TMPRSS11D: variants seen among roughly 807,000 people sequenced by gnomAD.
The protein encoded by TMPRSS11D is transmembrane serine protease 11D, also known as transmembrane protease serine 11D.
TMPRSS11D carries 32 observed loss-of-function variants against 44.4 expected under a neutral mutation model. That is an observed-to-expected ratio of 0.72 (90% CI 0.54 to 0.97). The LOEUF is 0.97. Ranked by LOEUF, TMPRSS11D falls within the 50% of genes least tolerant of loss-of-function variation. The pLI, the probability that TMPRSS11D is intolerant of heterozygous loss-of-function variation, is 0.00. For synonymous variants in TMPRSS11D, 179 were observed against 177.9 expected (o/e 1.01, Z -0.05); for missense variants, 446 against 502.6 (o/e 0.89, Z 1.08).
intron 5 of TMPRSS11D, 141 bp downstream of exon 5, chr4:67,838,031 T>C: frequency 1.7e-6 from 1 of 589,810 alleles, no homozygotes; most frequent in Middle Eastern, 4.7e-4. Flanking sequence ...AGCTATATGG[T>C]ATATTTAGCT....
chr4:67,857,312 TATATATATATAC>T (rs1718673598), intron 2 of TMPRSS11D, among the ~76,000 whole-genome samples: 2 of 1,238 alleles, frequency 1.6e-3, no homozygotes, highest in African/African-American at 2.9e-3. Context: ...TATATATATA[TATATATATATAC>T]ACACACACAC....
At chr4:67,838,351 T>TA in intron 4 of TMPRSS11D, 22 bp from the exon 5 acceptor site, 2 of 1,519,330 alleles carry the variant, frequency 1.3e-6, no homozygotes, top group Non-Finnish European at 1.8e-6. Context: ...AAAGATATTT[T>TA]AAAAAACAAA....
chr4:67,870,279 G>A (rs1335531246), intron 1 of TMPRSS11D, among the ~76,000 whole-genome samples: 1 of 152,056 alleles, frequency 6.6e-6, no homozygotes, highest in Non-Finnish European at 1.5e-5. Flanking sequence ...TCCATATCTC[G>A]TTAAGTCTCT....
intron 7 of TMPRSS11D, among the ~76,000 whole-genome samples, chr4:67,832,677 A>G (rs1717975102): frequency 6.6e-6 from 1 of 150,520 alleles, no homozygotes; most frequent in Non-Finnish European, 1.5e-5. Context: ...TCTACAATAT[A>G]TAACACTGTG....
chr4:67,854,302 A>G, intron 2 of TMPRSS11D, 116 bp from the exon 3 acceptor site: 2 of 549,622 alleles, frequency 3.6e-6, no homozygotes, highest in Non-Finnish European at 6.3e-6. Flanking sequence ...CTTTCCTTGA[A>G]AGAAAAAGTT....
At position 67,833,199 on chromosome 4, in the gene TMPRSS11D, C is replaced by A; in HGVS notation, c.692+5G>T. On this transcript the variant is annotated splice_donor_5th_base_variant and intron_variant, in intron 7 of 9. Transcript: ENST00000283916. The stretch of plus-strand genomic sequence containing the variant: ...TCCCAGATGGGTAGGTAGTGGTGGC[C>A]TCACCTTCTGAAGCAGTGAGCTGCT... The A allele has an allele frequency of 6.8e-7, 1 of 1,460,914 alleles. No homozygotes were observed. Among genetic ancestry groups the A allele is most frequent in the Non-Finnish European group, 9.1e-7 (1 of 1,100,476 alleles). 90.5% of individuals were successfully genotyped at this position (1,460,914 alleles called of 1,614,324 possible).
intron 2 of TMPRSS11D, among the ~76,000 whole-genome samples, chr4:67,859,337 T>A (rs917603600): frequency 1.3e-5 from 2 of 152,038 alleles, no homozygotes; most frequent in African/African-American, 4.8e-5. Flanking sequence ...TCAAAAGGTA[T>A]GTTTGGGGCA....
At position 67,827,260 on chromosome 4, in the gene TMPRSS11D, C is replaced by G; in HGVS notation, c.952+1G>C. 6.3e-7 allele frequency: 1 copy of G among 1,586,378 alleles called. No homozygotes were observed. Among genetic ancestry groups the G allele is most frequent in the Non-Finnish European group, 8.5e-7 (1 of 1,170,204 alleles). On this transcript the variant is annotated splice_donor_variant, in intron 8 of 9. Coordinates refer to ENST00000283916, the MANE Select transcript of TMPRSS11D (RefSeq NM_004262.3). LOFTEE classifies it high-confidence loss of function. ...TTAATTTTTTTTTCCGAGACACTTA[C>G]CAGCATATTCTTGAGCGCCCCATCC...
intron 1 of TMPRSS11D, among the ~76,000 whole-genome samples, chr4:67,869,800 A>G (rs1473585344): frequency 1.3e-5 from 2 of 152,242 alleles, no homozygotes; most frequent in Non-Finnish European, 2.9e-5. Context: ...TAAGCCATCA[A>G]TCAGTAGCTG....
intron 2 of TMPRSS11D, among the ~76,000 whole-genome samples, chr4:67,856,216 A>T (rs1173869639): frequency 6.6e-6 from 1 of 152,120 alleles, no homozygotes; most frequent in Non-Finnish European, 1.5e-5. Flanking sequence ...AAGACATCAC[A>T]CCACCTGACA....
At chr4:67,826,686 C>T (rs1020655515) in intron 8 of TMPRSS11D, among the ~76,000 whole-genome samples, 1 of 149,954 alleles carries the variant, frequency 6.7e-6, no homozygotes, top group African/African-American at 2.4e-5. Context: ...TTTGGGAGGC[C>T]AACAAGGCAG....
rs1717640479 is a variant in TMPRSS11D, at chr4:67,821,477, T to C, written c.*860A>G. 6.6e-6 allele frequency: 1 copy of C among 152,178 alleles called. No individual in the cohort carries two copies. Among genetic ancestry groups the C allele is most frequent in the South Asian group, 2.1e-4 (1 of 4,822 alleles). The allele number at this position is 152,178 out of a possible 1,614,324, so 9.4% of individuals were successfully genotyped here. A position where few individuals can be genotyped will look rare whatever the true frequency, so the allele number is the denominator to read the frequency against. ...GTGATAGGAAGTCTGTAGTGGGACG[T>C]TCTTCCCGATGATTAAATTTTTCAT... is the stretch of plus-strand genomic sequence containing the variant. On this transcript the variant is annotated 3_prime_UTR_variant, in exon 10 of 10. Transcript: ENST00000283916.
intron 1 of TMPRSS11D, among the ~76,000 whole-genome samples, chr4:67,882,209 A>G (rs1719336750): frequency 2.0e-5 from 3 of 152,322 alleles, no homozygotes; most frequent in South Asian, 2.1e-4. Context: ...CCAATTTTCA[A>G]CCAAAAGTAT....
At chr4:67,882,977 C>T (rs755656468) in intron 1 of TMPRSS11D, among the ~76,000 whole-genome samples, 103 of 151,734 alleles carry the variant, frequency 6.8e-4, no homozygotes, top group Non-Finnish European at 1.3e-3. Flanking sequence ...GATTTTATTT[C>T]TTCTATCATT....
chr4:67,878,950 A>G (rs879352466), intron 1 of TMPRSS11D, among the ~76,000 whole-genome samples: 6 of 152,146 alleles, frequency 3.9e-5, no homozygotes, highest in Non-Finnish European at 7.3e-5. Context: ...GAGTAATTAT[A>G]TATATCATAA....
chr4:67,823,205 G>A (rs1717695858), intron 9 of TMPRSS11D, among the ~76,000 whole-genome samples: 2 of 152,126 alleles, frequency 1.3e-5, no homozygotes, highest in African/African-American at 4.8e-5. Flanking sequence ...ACCCTGCGTG[G>A]TGTCTGATGC....
chr4:67,847,333 T>G (rs1215650315), intron 3 of TMPRSS11D, among the ~76,000 whole-genome samples: 3 of 152,238 alleles, frequency 2.0e-5, no homozygotes, highest in Non-Finnish European at 4.4e-5. Context: ...TAATATGGCT[T>G]TAATAGATAA....
intron 3 of TMPRSS11D, among the ~76,000 whole-genome samples, chr4:67,848,373 T>G (rs1161790891): frequency 6.6e-6 from 1 of 152,246 alleles, no homozygotes; most frequent in Non-Finnish European, 1.5e-5. Flanking sequence ...CTCATTCATT[T>G]ACTTATTCAA....
chr4:67,826,965 T>C (rs549853171), intron 8 of TMPRSS11D, among the ~76,000 whole-genome samples: 1 of 152,080 alleles, frequency 6.6e-6, no homozygotes, highest in South Asian at 2.1e-4. Context: ...TTATTGTTTA[T>C]AGGGAAGCTA....
Sources: allele counts gnomAD v4.1 joint callset (sites outside exome capture counted in the v4.1 genomes callset), GRCh38; gene constraint gnomAD v4.1.1; transcripts MANE v1.5; gene names NCBI Gene and HGNC (gene_info 2026-07-23, HGNC 2026-07-21).